The following COL27A1 variants were observed in gnomAD, a reference collection of about 807,000 sequenced individuals.
The protein encoded by COL27A1 is collagen alpha-1(XXVII) chain.
In COL27A1, 106 loss-of-function variants were observed where a neutral mutation model predicts 251.3. The observed-to-expected ratio is 0.42, with a 90% CI of 0.36 to 0.50. The LOEUF (loss-of-function observed/expected upper bound fraction) is 0.50. COL27A1 is among the 20% of genes least tolerant of loss of function. The pLI is 0.00. For synonymous variants in COL27A1, 1,000 were observed against 986.3 expected, an observed-to-expected ratio of 1.01 and a Z score of -0.26; for missense variants, 2,325 against 2,522.8, an observed-to-expected ratio of 0.92 and a Z score of 1.68.
At chr9:114,222,662 G>A (rs1295901658) in intron 14 of COL27A1, among the ~76,000 whole-genome samples, 4 of 152,180 alleles carry the variant, frequency 2.6e-5, no homozygotes, top group Non-Finnish European at 5.9e-5. Context: ...TTTCACAAGC[G>A]AGGTGTTCCA....
At chr9:114,220,499 C>T (rs1004193253) in intron 13 of COL27A1, among the ~76,000 whole-genome samples, 11 of 152,184 alleles carry the variant, frequency 7.2e-5, no homozygotes, top group Non-Finnish European at 1.5e-4. Flanking sequence ...AACCAGCACC[C>T]GATTAGGCGC....
intron 25 of COL27A1, among the ~76,000 whole-genome samples, chr9:114,251,061 G>A (rs112051428): frequency 2.0e-5 from 3 of 152,278 alleles, no homozygotes; most frequent in African/African-American, 7.2e-5. Context: ...TCAAATAGGG[G>A]AGGTGACTTA....
At chr9:114,231,226 C>A in intron 15 of COL27A1, 94 bp downstream of exon 15, 3 of 1,209,760 alleles carry the variant, frequency 2.5e-6, no homozygotes, top group Non-Finnish European at 3.6e-6. Flanking sequence ...TTAGATGATG[C>A]TGGGGGAAGG....
chr9:114,175,433 G>T (rs114621527), intron 3 of COL27A1, among the ~76,000 whole-genome samples: 417 of 152,372 alleles, frequency 2.7e-3, no homozygotes, highest in African/African-American at 9.2e-3. Flanking sequence ...GGGCCAGGGG[G>T]CACCCGTGCT....
rs1027843249 is a variant in COL27A1 at position 114,310,703 on chromosome 9, C to T, written c.*8C>T. On this transcript the variant is annotated 3_prime_UTR_variant, in exon 61 of 61. Coordinates refer to ENST00000356083, the MANE Select transcript of COL27A1 (RefSeq NM_032888.4). Reference sequence around the variant, plus strand: ...CCTGCGTGCTTCCTCTGACCTCTGACCTCGTGGCCACTCTAGGCCTCACGG... The same window carrying T: ...CCTGCGTGCTTCCTCTGACCTCTGATCTCGTGGCCACTCTAGGCCTCACGG... 3.7e-6 allele frequency: 6 copies of T among 1,613,918 alleles called. No homozygotes were observed. The highest frequency in any genetic ancestry group is 2.2e-5 in the East Asian group (1 of 44,884).
chr9:114,290,167 G>A lies in COL27A1; in HGVS notation c.4260+56G>A, dbSNP rs1174238529. The A allele has an allele frequency of 5.6e-5, 41 of 734,790 alleles. No homozygotes were observed. The highest frequency in any genetic ancestry group is 7.8e-5 in the Non-Finnish European group (34 of 436,360). 45.5% of individuals were successfully genotyped at this position (734,790 alleles called of 1,614,324 possible). On this transcript the variant is annotated intron_variant, in intron 46 of 60. Coordinates refer to ENST00000356083, the MANE Select transcript of COL27A1 (RefSeq NM_032888.4). The surrounding 1 kb of genome is among the most constrained non-coding windows in gnomAD (Gnocchi z 4.6). ...ACCTCCCTGCCCGCCCCCCACACCC[G>A]CCCTCCTCCCACTCCCTGCACCAAA...
intron 24 of COL27A1, among the ~76,000 whole-genome samples, chr9:114,246,279 C>A (rs1833126103): frequency 6.6e-6 from 1 of 152,182 alleles, no homozygotes; most frequent in Non-Finnish European, 1.5e-5. Flanking sequence ...AGCCAAAGGC[C>A]AGAGAAGTGT....
chr9:114,195,103 G>A (rs1426714914), intron 6 of COL27A1, among the ~76,000 whole-genome samples: 1 of 152,118 alleles, frequency 6.6e-6, no homozygotes, highest in Admixed American at 6.5e-5. Flanking sequence ...CAGTCTTCCA[G>A]GCACACACAC....
intron 24 of COL27A1, among the ~76,000 whole-genome samples, chr9:114,248,367 C>T (rs1342657270): frequency 7.9e-5 from 12 of 152,172 alleles, no homozygotes; most frequent in African/African-American, 1.9e-4. Context: ...CAGTTGCATC[C>T]CCAGTGCCTA....
chr9:114,255,026 G>T (rs1264949748), intron 27 of COL27A1, among the ~76,000 whole-genome samples: 2 of 152,202 alleles, frequency 1.3e-5, no homozygotes, highest in South Asian at 4.1e-4. Context: ...AGCACCAGGG[G>T]TCTCTGTCCA....
At position 114,306,575 on chromosome 9, in the gene COL27A1, C is replaced by T. The variant is rs748518951; in HGVS notation, c.4994C>T (p.Thr1665Ile). ...GACCAGGGAGGAGAGATCTTTAAAA[C>T]CTTACACTACCTCAGCAACCTCATC... ...VLDQGGEIFK[T>I]LHYLSNLIQS... The change falls in exon 58 of 61, where the codon ACC (threonine) becomes ATC (isoleucine). Residue 1665 changes from threonine to isoleucine, a missense_variant. Thr to Ile is a moderately conservative substitution (Grantham distance 89). Around this residue, in one of 4 missense-constraint regions of COL27A1, gnomAD observed 327 missense variants for 442.8 expected, o/e 0.74. Transcript: ENST00000356083. 1.9e-6 allele frequency: 3 copies of T among 1,614,070 alleles called. No homozygotes were observed. In the South Asian group the frequency reaches 3.3e-5, roughly 18 times the overall value.
intron 14 of COL27A1, among the ~76,000 whole-genome samples, chr9:114,223,242 G>A (rs2135397431): frequency 6.6e-6 from 1 of 152,312 alleles, no homozygotes; most frequent in East Asian, 1.9e-4. Flanking sequence ...CATGGGGTTT[G>A]AGTTTGGGGG....
Position 114,178,317 on chromosome 9 carries a change from T to C in COL27A1, c.1935T>C (p.Pro645=). ...GTCCCCCTGGGCTACCTGGGCTACC[T>C]GGAATCCCTGGTGCACGTGGGCCTC... is the stretch of plus-strand genomic sequence containing the variant. The part of the protein sequence containing the change: ...LPGPPGLPGL[P]GIPGARGPRG... The change falls in exon 4 of 61, where the codon CCT becomes CCC. Residue 645 remains proline, a synonymous_variant. Coordinates refer to ENST00000356083, the MANE Select transcript of COL27A1 (RefSeq NM_032888.4). 1 of 1,614,066 alleles carries C rather than the reference T, an allele frequency of 6.2e-7. No homozygotes were observed. The highest frequency in any genetic ancestry group is 1.3e-5 in the African/African-American group (1 of 75,052).
chr9:114,253,893 C>A (rs1254056907), intron 27 of COL27A1, among the ~76,000 whole-genome samples: 2 of 152,154 alleles, frequency 1.3e-5, no homozygotes, highest in East Asian at 1.9e-4. Flanking sequence ...GTTTCAGGAG[C>A]TGGGTGAAGG....
chr9:114,194,280 G>A (rs1828951900), intron 5 of COL27A1, 124 bp from the exon 6 acceptor site: 1 of 881,498 alleles, frequency 1.1e-6, no homozygotes, highest in African/African-American at 1.7e-5. Flanking sequence ...CTGGAGGTGT[G>A]TGAGTGGGAG....
chr9:114,265,276 C>A, intron 31 of COL27A1, 146 bp from the exon 32 acceptor site: 1 of 1,072,866 alleles, frequency 9.3e-7, no homozygotes. Context: ...TCCAGCACAT[C>A]CTCTCTTCTC....
chr9:114,167,785 C>A lies in COL27A1; in HGVS notation c.230C>A (p.Thr77Lys). Residue 77 changes from threonine to lysine, a missense_variant, in exon 3 of 61, where the codon ACG becomes AAG. Physicochemically the swap from Thr to Lys is moderately conservative, Grantham distance 78. This residue lies in a region of COL27A1 where 1,183 missense variants were observed against 1,144.1 expected (regional missense o/e 1.03). Coordinates refer to ENST00000356083, the MANE Select transcript of COL27A1 (RefSeq NM_032888.4). ...VIPFQSGFIF[T>K]QRARLQAPTG... ...CCTTTCCAGTCGGGCTTCATCTTTA[C>A]GCAGCGGGCCCGGCTCCAGGCTCCC... The A allele has an allele frequency of 4.3e-6, 7 of 1,613,598 alleles. No individual in the cohort carries two copies. Among genetic ancestry groups the A allele is most frequent in the Non-Finnish European group, 5.9e-6 (7 of 1,179,982 alleles).
Position 114,161,487 on chromosome 9 carries a change from A to G in COL27A1, c.63-1228A>G, listed in dbSNP as rs530500722. Among the ~76,000 whole-genome samples, 6 of 152,320 alleles carry G rather than the reference A, an allele frequency of 3.9e-5. No homozygotes were observed. In the South Asian group the frequency reaches 1.2e-3, roughly 32 times the overall value. On this transcript the variant is annotated intron_variant, in intron 1 of 60. Transcript: ENST00000356083. ...GTCTTCACCATGCCCACAGTGACAG[A>G]AGCTGTCGTCTAAGGTGCCCAGGGA... is the stretch of plus-strand genomic sequence containing the variant.
At chr9:114,300,398 G>A (rs747335334) in intron 50 of COL27A1, 11 of 574,208 alleles carry the variant, frequency 1.9e-5, no homozygotes, top group South Asian at 6.9e-5. Context: ...GTAGAAGACT[G>A]TTGCAAAAAT....
Sources: gnomAD v4.1 joint callset for allele counts (sites outside exome capture counted in the v4.1 genomes callset) on GRCh38, gnomAD v4.1.1 for gene constraint, gnomAD v4.1.1 regional missense constraint, Gnocchi (gnomAD v3.1) non-coding constraint, MANE v1.5 for transcripts, NCBI Gene and HGNC (gene_info 2026-07-23, HGNC 2026-07-21) for gene names.